The following DAGLB variants were observed in gnomAD, a reference collection of about 807,000 sequenced individuals.
DAGLB encodes diacylglycerol lipase-beta.
Under a neutral mutation model 72.1 loss-of-function variants are expected in DAGLB, and 66 were observed. The observed-to-expected ratio is 0.92, with a 90% CI of 0.75 to 1.12. The LOEUF (loss-of-function observed/expected upper bound fraction) is 1.12, where lower values mean the gene tolerates loss of function less well. Ranked by LOEUF, DAGLB falls within the 50% of genes most tolerant of loss-of-function variation. The pLI is 0.00. For missense variants in DAGLB, 1,065 were observed against 884.9 expected, an observed-to-expected ratio of 1.20 and a Z score of -2.58; for synonymous variants, 414 against 359.5, an observed-to-expected ratio of 1.15 and a Z score of -1.71.
In DAGLB at chr7:6,409,860, C is replaced by G; in HGVS notation, c.1996G>C (p.Val666Leu). 6.2e-7 allele frequency: 1 copy of G among 1,614,002 alleles called. No individual in the cohort carries two copies. Among genetic ancestry groups the G allele is most frequent in the Non-Finnish European group, 8.5e-7 (1 of 1,180,026 alleles). The change falls in exon 15 of 15, where the codon GTC becomes CTC. Residue 666 changes from valine to leucine, a missense_variant. Physicochemically the swap from Val to Leu is conservative, Grantham distance 32 (BLOSUM62 1). Coordinates refer to ENST00000297056, the MANE Select transcript of DAGLB (RefSeq NM_139179.4). ...AACVSCPAQG[V>L]SSVDVA ...GGTCAGGCCACGTCCACACTGGAGA[C>G]CCCTTGTGCTGGACAGGAGACGCAG...
At chr7:6,415,414 G>A (rs1166403741) in intron 11 of DAGLB, among the ~76,000 whole-genome samples, 1 of 151,470 alleles carries the variant, frequency 6.6e-6, no homozygotes, top group African/African-American at 2.4e-5. Context: ...CAAAGGGCCG[G>A]GATTACAGGC....
At chr7:6,431,318 G>A (rs1208458219) in intron 5 of DAGLB, among the ~76,000 whole-genome samples, 2 of 152,062 alleles carry the variant, frequency 1.3e-5, no homozygotes, top group East Asian at 3.8e-4. Context: ...ACAACCTGTG[G>A]CAGGAAAATT....
At chr7:6,440,846 G>C (rs1187858930) in intron 2 of DAGLB, among the ~76,000 whole-genome samples, 1 of 152,070 alleles carries the variant, frequency 6.6e-6, no homozygotes, top group Non-Finnish European at 1.5e-5. Flanking sequence ...TCCAGCCTGG[G>C]CAACAGAGCA....
intron 5 of DAGLB, among the ~76,000 whole-genome samples, chr7:6,432,562 G>C (rs184788334): frequency 0.012 from 1,864 of 151,030 alleles, 41 homozygotes; most frequent in African/African-American, 0.044. Flanking sequence ...CAGGAGGCTG[G>C]GGCAGGAGAA....
Position 6,416,772 on chromosome 7 carries a change from G to T in DAGLB, c.1300-18C>A, listed in dbSNP as rs1201012766. ...CGGTACTCCTAGAGGACAGACAGCA[G>T]AATGAGGTGAAGGGTAAAAACAACA... On this transcript the variant is annotated intron_variant, in intron 10 of 14. Coordinates refer to ENST00000297056, the MANE Select transcript of DAGLB (RefSeq NM_139179.4). 1 of 1,613,906 alleles carries T rather than the reference G, an allele frequency of 6.2e-7. No individual in the cohort carries two copies. Among genetic ancestry groups the T allele is most frequent in the Non-Finnish European group, 8.5e-7 (1 of 1,179,930 alleles).
chr7:6,422,554 G>A (rs974430376), intron 8 of DAGLB: 4 of 153,942 alleles, frequency 2.6e-5, no homozygotes, highest in African/African-American at 9.6e-5. Flanking sequence ...GTGGGCCCAA[G>A]CATAGAAAAG....
Position 6,434,884 on chromosome 7 carries a change from T to A in DAGLB, c.556A>T (p.Lys186Ter). 6.2e-7 allele frequency: 1 copy of A among 1,614,196 alleles called. No individual in the cohort carries two copies. Among genetic ancestry groups the A allele is most frequent in the Non-Finnish European group, 8.5e-7 (1 of 1,180,044 alleles). Residue 186 changes from lysine to a stop codon, truncating the protein, a stop_gained, in exon 4 of 15, where the codon AAG (lysine) becomes TAG (stop). Transcript: ENST00000297056. LOFTEE classifies it high-confidence loss of function. ...HDSSQLLNGL[K>*]TAATSVWETR... ...TCCCACACGCTTGTAGCTGCTGTCT[T>A]GAGGCCATTAAGTAACTGGCTTGAA...
intron 8 of DAGLB, 125 bp from the exon 9 acceptor site, chr7:6,421,929 G>A: frequency 9.4e-7 from 1 of 1,067,524 alleles, no homozygotes; most frequent in Non-Finnish European, 1.4e-6. Context: ...TCCTAGTTCG[G>A]TCCTGGGACT....
intron 8 of DAGLB, among the ~76,000 whole-genome samples, chr7:6,423,395 C>A (rs900001683): frequency 3.3e-5 from 5 of 152,072 alleles, no homozygotes; most frequent in Admixed American, 1.3e-4. Context: ...AGTTCACACA[C>A]AGCAGACAGG....
In DAGLB at chr7:6,434,895, A is replaced by G. The variant is rs1309333980; in HGVS notation, c.545T>C (p.Leu182Pro). The G allele has an allele frequency of 6.2e-6, 10 of 1,614,228 alleles. No homozygotes were observed. The East Asian group carries it at 2.2e-4, about 36-fold the overall frequency. The part of the protein sequence containing the change: ...HLDSHDSSQL[L>P]NGLKTAATSV... ...TGTAGCTGCTGTCTTGAGGCCATTA[A>G]GTAACTGGCTTGAATCATGACTATC... Residue 182 changes from leucine (L) to proline (P), a missense_variant, in exon 4 of 15, where the codon CTT (leucine) becomes CCT (proline). By Grantham distance (98) the Leu-to-Pro change is moderately conservative. Transcript: ENST00000297056.
At chr7:6,413,080 G>A (rs748696546) in intron 11 of DAGLB, 46 bp from the exon 12 acceptor site, 1 of 1,582,592 alleles carries the variant, frequency 6.3e-7, no homozygotes, top group Non-Finnish European at 8.6e-7. Flanking sequence ...CGATGACACT[G>A]CCCACAAGGG....
chr7:6,443,082 C>T (rs1361871993), intron 2 of DAGLB, among the ~76,000 whole-genome samples: 1 of 149,938 alleles, frequency 6.7e-6, no homozygotes, highest in East Asian at 1.9e-4. Context: ...ACTTGGGAGG[C>T]TGAGGCAGGA....
chr7:6,439,716 A>G (rs1784767029), intron 2 of DAGLB, among the ~76,000 whole-genome samples: 1 of 152,178 alleles, frequency 6.6e-6, no homozygotes, highest in African/African-American at 2.4e-5. Flanking sequence ...ACCTCCCACA[A>G]GGTGCAACAG....
At chr7:6,413,093 T>C in intron 11 of DAGLB, 59 bp from the exon 12 acceptor site, 1 of 1,557,748 alleles carries the variant, frequency 6.4e-7, no homozygotes, top group Non-Finnish European at 8.8e-7. Context: ...CACAAGGGCT[T>C]CCATGAAAGA....
At chr7:6,445,783 G>A in intron 2 of DAGLB, 170 bp downstream of exon 2, 2 of 721,860 alleles carry the variant, frequency 2.8e-6, no homozygotes, top group South Asian at 4.8e-5. Context: ...TTTCTTTCAG[G>A]AGTGAAGAAA....
Position 6,426,028 on chromosome 7 carries a change from A to G in DAGLB, c.1016T>C (p.Leu339Pro). ...HFGSILHTTGLQYRDFIHVSF... is the reference protein window; with the variant it reads ...HFGSILHTTGPQYRDFIHVSF... Reference sequence around the variant, plus strand: ...GACGTGGATGAAGTCCCTGTACTGCAGCCCTGTGGTGTGCAGGATGGAGCC... The same window carrying G: ...GACGTGGATGAAGTCCCTGTACTGCGGCCCTGTGGTGTGCAGGATGGAGCC... Residue 339 changes from leucine (L) to proline (P), a missense_variant, in exon 7 of 15, where the codon CTG (leucine) becomes CCG (proline). Physicochemically the swap from Leu to Pro is moderately conservative, Grantham distance 98 (BLOSUM62 -3). Transcript: ENST00000297056. 3 of 1,614,160 alleles carry G rather than the reference A, an allele frequency of 1.9e-6. No individual in the cohort carries two copies. Among genetic ancestry groups the G allele is most frequent in the Non-Finnish European group, 2.5e-6 (3 of 1,180,018 alleles).
intron 2 of DAGLB, among the ~76,000 whole-genome samples, chr7:6,444,762 G>A (rs542925901): frequency 1.3e-5 from 2 of 151,926 alleles, no homozygotes; most frequent in African/African-American, 2.4e-5. Context: ...TCAAAGCCAT[G>A]AGACAAAAAA....
intron 8 of DAGLB, among the ~76,000 whole-genome samples, chr7:6,424,166 T>A (rs1379237623): frequency 6.6e-6 from 1 of 152,052 alleles, no homozygotes. Context: ...GAAACCGGAA[T>A]GGAGAGAAGA....
chr7:6,439,409 T>C lies in DAGLB; in HGVS notation c.248-2876A>G, dbSNP rs73676753. Among the ~76,000 whole-genome samples, 1,268 of 152,276 alleles carry C rather than the reference T, an allele frequency of 8.3e-3. 17 individuals carry two copies. The highest frequency in any genetic ancestry group is 0.029 in the African/African-American group (1,214 of 41,536). On this transcript the variant is annotated intron_variant, in intron 2 of 14. Transcript: ENST00000297056. Reference sequence around the variant, plus strand: ...AGCACAGCTGCATTCCTAAATGTAATGTCCTCACCACTGTCTTGGTTAAGT... The same window carrying C: ...AGCACAGCTGCATTCCTAAATGTAACGTCCTCACCACTGTCTTGGTTAAGT...
Sources: allele counts gnomAD v4.1 joint callset (sites outside exome capture counted in the v4.1 genomes callset), GRCh38; gene constraint gnomAD v4.1.1; transcripts MANE v1.5; gene names NCBI Gene and HGNC (gene_info 2026-07-23, HGNC 2026-07-21).